KTN1: variants seen among roughly 807,000 people sequenced by gnomAD.
KTN1 encodes kinectin 1, also known as kinectin.
A neutral mutation model predicts 222.5 loss-of-function variants in KTN1; 130 were observed. The observed-to-expected ratio is 0.58, with a 90% CI of 0.51 to 0.68. The LOEUF is 0.68. KTN1 is among the 30% of genes least tolerant of loss of function. KTN1 has a pLI of 0.00. For synonymous variants in KTN1, 512 were observed against 496.3 expected (o/e 1.03, Z -0.42); for missense variants, 1,508 against 1,500.4 (o/e 1.01, Z -0.08).
intron 18 of KTN1, among the ~76,000 whole-genome samples, chr14:55,642,812 T>TA (rs2041936163): frequency 6.6e-6 from 1 of 152,234 alleles, no homozygotes; most frequent in African/African-American, 2.4e-5. Flanking sequence ...TCTTACTACT[T>TA]ACTTTGTATT....
chr14:55,665,525 A>T (rs1212678857), intron 33 of KTN1, among the ~76,000 whole-genome samples: 5 of 152,084 alleles, frequency 3.3e-5, no homozygotes, highest in African/African-American at 1.2e-4. Context: ...AGGGATGTTG[A>T]TTGACCCAGT....
Position 55,679,518 on chromosome 14 carries a change from C to T in KTN1, c.3949-47C>T, listed in dbSNP as rs755175813. On this transcript the variant is annotated intron_variant, in intron 42 of 43. Transcript: ENST00000395314. ...TTTTCTGTTGTTTGGTTTTACATTT[C>T]TTTTCCTTGTGTATGGAGTTTATCA... 13 of 1,511,138 alleles carry T rather than the reference C, an allele frequency of 8.6e-6. No individual in the cohort carries two copies. The South Asian group carries it at 1.5e-4, about 17-fold the overall frequency. 93.6% of individuals were successfully genotyped at this position (1,511,138 alleles called of 1,614,324 possible). A position where few individuals can be genotyped will look rare whatever the true frequency, so the allele number is the denominator to read the frequency against.
chr14:55,649,332 A>G (rs2042703807), intron 21 of KTN1, among the ~76,000 whole-genome samples: 1 of 149,926 alleles, frequency 6.7e-6, no homozygotes, highest in Non-Finnish European at 1.5e-5. Flanking sequence ...ATGAATGATA[A>G]TCAGTAATAG....
At chr14:55,611,962 T>C (rs1354161327) in intron 1 of KTN1, 57 bp from the exon 2 acceptor site, 1 of 813,480 alleles carries the variant, frequency 1.2e-6, no homozygotes, top group Non-Finnish European at 1.8e-6. Context: ...GACTTTAATT[T>C]TTATGAGACT....
At chr14:55,656,339 T>C in intron 29 of KTN1, 1 of 483,172 alleles carries the variant, frequency 2.1e-6, no homozygotes, top group Non-Finnish European at 3.7e-6. Flanking sequence ...AAATACTCTG[T>C]TGAACTATAC....
At chr14:55,663,889 G>A in intron 32 of KTN1, 66 bp from the exon 33 acceptor site, 1 of 1,156,556 alleles carries the variant, frequency 8.6e-7, no homozygotes, top group Non-Finnish European at 1.3e-6. Flanking sequence ...AAATACTGAT[G>A]AAGTAAAAAA....
chr14:55,594,411 T>C (rs2034670581), intron 1 of KTN1, among the ~76,000 whole-genome samples: 2 of 152,150 alleles, frequency 1.3e-5, no homozygotes, highest in South Asian at 4.1e-4. Flanking sequence ...CATTGAAATG[T>C]GATTCTTGCT....
intron 1 of KTN1, among the ~76,000 whole-genome samples, chr14:55,594,228 T>G (rs1345572570): frequency 2.0e-5 from 3 of 152,236 alleles, no homozygotes; most frequent in Admixed American, 2.0e-4. Context: ...TCCCAGCTTA[T>G]GTATCCTGAG....
At chr14:55,683,149 T>C (rs145885761) in intron 43 of KTN1, 17 of 152,320 alleles carry the variant, frequency 1.1e-4, no homozygotes, top group African/African-American at 3.8e-4. Context: ...GATCAGGTTT[T>C]CATTTTCTGT....
intron 1 of KTN1, chr14:55,607,378 C>A (rs1378310476): frequency 6.6e-6 from 1 of 152,038 alleles, no homozygotes; most frequent in East Asian, 1.9e-4. Context: ...TGAAAACTCT[C>A]AATATAGAGC....
At chr14:55,624,599 A>G (rs150060843) in intron 5 of KTN1, among the ~76,000 whole-genome samples, 4 of 152,356 alleles carry the variant, frequency 2.6e-5, no homozygotes, top group African/African-American at 9.6e-5. Context: ...AAGATAATCC[A>G]CTATCAACAG....
chr14:55,614,833 G>T (rs932064936), intron 2 of KTN1, among the ~76,000 whole-genome samples: 1 of 152,148 alleles, frequency 6.6e-6, no homozygotes, highest in Admixed American at 6.5e-5. Context: ...CAGATGGTTG[G>T]TAGCACTAAA....
chr14:55,594,727 ATATT>A (rs2034733150), intron 1 of KTN1, among the ~76,000 whole-genome samples: 1 of 152,190 alleles, frequency 6.6e-6, no homozygotes, highest in Non-Finnish European at 1.5e-5. Flanking sequence ...ACGTAGGTAA[ATATT>A]AATCTAACAA....
intron 32 of KTN1, 29 bp from the exon 33 acceptor site, chr14:55,663,925 AC>A (rs1566829621): frequency 6.5e-7 from 1 of 1,538,290 alleles, no homozygotes. Context: ...TAATGGATAA[AC>A]TGAAATCATT....
intron 8 of KTN1, 43 bp from the exon 9 acceptor site, chr14:55,634,483 A>G (rs1343818795): frequency 1.3e-6 from 2 of 1,533,706 alleles, no homozygotes; most frequent in Non-Finnish European, 1.8e-6. Flanking sequence ...TCTTATATAT[A>G]TTTGTAATAA....
chr14:55,642,198 A>C (rs2041873377), intron 18 of KTN1, among the ~76,000 whole-genome samples: 1 of 152,052 alleles, frequency 6.6e-6, no homozygotes. Flanking sequence ...TCACATGGAG[A>C]TTATATTATA....
At position 55,612,154 on chromosome 14, in the gene KTN1, G is replaced by A; in HGVS notation, c.106G>A (p.Glu36Lys). 1 of 1,582,134 alleles carries A rather than the reference G, an allele frequency of 6.3e-7. No homozygotes were observed. Among genetic ancestry groups the A allele is most frequent in the Non-Finnish European group, 8.5e-7 (1 of 1,170,808 alleles). The change falls in exon 2 of 44, where the codon GAA (glutamate) becomes AAA (lysine). Residue 36 changes from glutamate (E) to lysine (K), a missense_variant. Transcript: ENST00000395314. ...WLFMKETLYD[E>K]VLAKQKREQK... is the part of the protein sequence containing the mutation. Reference sequence around the variant, plus strand: ...TTTCATGAAAGAAACATTATATGATGAAGTTCTTGCAAAACAGAAAAGAGA... The same window carrying A: ...TTTCATGAAAGAAACATTATATGATAAAGTTCTTGCAAAACAGAAAAGAGA...
At chr14:55,639,683 G>GCTA (rs2041564087) in intron 13 of KTN1, among the ~76,000 whole-genome samples, 1 of 151,718 alleles carries the variant, frequency 6.6e-6, no homozygotes, top group Non-Finnish European at 1.5e-5. Flanking sequence ...TTTTGACATA[G>GCTA]CTAGCTTTAA....
intron 26 of KTN1, 33 bp from the exon 27 acceptor site, chr14:55,652,984 C>T: frequency 6.3e-7 from 1 of 1,579,242 alleles, no homozygotes; most frequent in Non-Finnish European, 8.7e-7. Flanking sequence ...TTATACTTGA[C>T]TATCAATTTA....
Sources: gnomAD v4.1 joint callset for allele counts (sites outside exome capture counted in the v4.1 genomes callset) on GRCh38, gnomAD v4.1.1 for gene constraint, MANE v1.5 for transcripts, NCBI Gene and HGNC (gene_info 2026-07-23, HGNC 2026-07-21) for gene names.